The following TENM4 variants were observed in gnomAD, a reference collection of about 807,000 sequenced individuals.
TENM4 encodes the protein teneurin-4.
Under a neutral mutation model 243.3 loss-of-function variants are expected in TENM4, and 82 were observed. The ratio of observed to expected loss-of-function variants is 0.34; its 90% CI spans 0.28 to 0.40. The LOEUF is 0.40. Among genes scored for constraint, TENM4 ranks in the 10% least tolerant of loss-of-function variants. The pLI, the probability that TENM4 is intolerant of heterozygous loss-of-function variation, is 1.00. For synonymous variants in TENM4, 1,412 were observed against 1,456.3 expected (o/e 0.97, Z 0.69); for missense variants, 3,138 against 3,673.3 (o/e 0.85, Z 3.77).
At chr11:79,041,650 C>G (rs186882529) in intron 6 of TENM4, among the ~76,000 whole-genome samples, 21 of 152,242 alleles carry the variant, frequency 1.4e-4, no homozygotes, top group Admixed American at 2.6e-4. Flanking sequence ...GGGAAGCAGG[C>G]TCTTGTTTTG....
At chr11:78,703,916 A>G (rs1859166970) in intron 27 of TENM4, among the ~76,000 whole-genome samples, 1 of 150,826 alleles carries the variant, frequency 6.6e-6, no homozygotes, top group African/African-American at 2.4e-5. Flanking sequence ...AAGTGGTACA[A>G]TCTTGACTCA....
Position 78,903,262 on chromosome 11 carries a change from G to A in TENM4, c.749+6C>T, listed in dbSNP as rs1405076482. On this transcript the variant is annotated splice_donor_region_variant and intron_variant, in intron 7 of 33. Coordinates refer to ENST00000278550, the MANE Select transcript of TENM4 (RefSeq NM_001098816.3). ...CTCAGCCTCACCCTCCCTACCGGCCGCGCACCTGGTCTCCAGGGGGATGTT... is the reference window on the plus strand; with the variant it reads ...CTCAGCCTCACCCTCCCTACCGGCCACGCACCTGGTCTCCAGGGGGATGTT... The A allele has an allele frequency of 1.5e-5, 23 of 1,488,514 alleles. No individual in the cohort carries two copies. The highest frequency in any genetic ancestry group is 1.9e-4 in the Middle Eastern group (1 of 5,366). 92.2% of individuals were successfully genotyped at this position (1,488,514 alleles called of 1,614,324 possible). A position where few individuals can be genotyped will look rare whatever the true frequency, so the allele number is the denominator to read the frequency against.
intron 18 of TENM4, among the ~76,000 whole-genome samples, chr11:78,767,894 ACTGGG>A (rs572389747): frequency 8.4e-4 from 128 of 152,342 alleles, no homozygotes; most frequent in Non-Finnish European, 1.6e-3. Flanking sequence ...AGGGAGAAAG[ACTGGG>A]CCATGTTCAC....
chr11:79,217,747 G>T (rs1864080730), intron 2 of TENM4, among the ~76,000 whole-genome samples: 1 of 151,464 alleles, frequency 6.6e-6, no homozygotes, highest in Non-Finnish European at 1.5e-5. Context: ...TTGAGATGAG[G>T]ATTTTGCTCT....
chr11:79,376,064 C>G (rs538264039), intron 1 of TENM4, among the ~76,000 whole-genome samples: 17 of 152,330 alleles, frequency 1.1e-4, no homozygotes, highest in Admixed American at 4.6e-4. Flanking sequence ...ACCTGACAAG[C>G]CTTTAATTAG....
chr11:78,959,210 T>C (rs1310438653), intron 6 of TENM4, among the ~76,000 whole-genome samples: 1 of 152,198 alleles, frequency 6.6e-6, no homozygotes, highest in Non-Finnish European at 1.5e-5. Flanking sequence ...CTGTTAAACG[T>C]AGTTATATCT....
chr11:78,677,272 C>T (rs1393849256), intron 29 of TENM4, among the ~76,000 whole-genome samples: 7 of 128,560 alleles, frequency 5.4e-5, no homozygotes, highest in Admixed American at 4.2e-4. Flanking sequence ...TTTTTGGAGA[C>T]AGGGTCTTGT....
intron 1 of TENM4, among the ~76,000 whole-genome samples, chr11:79,401,628 A>G (rs1037445562): frequency 3.3e-5 from 5 of 152,246 alleles, no homozygotes; most frequent in African/African-American, 1.2e-4. Flanking sequence ...TTCTCTTTCC[A>G]TCTATGTACT....
intron 25 of TENM4, among the ~76,000 whole-genome samples, chr11:78,718,702 TC>T (rs1859577274): frequency 1.3e-5 from 2 of 152,208 alleles, no homozygotes; most frequent in Admixed American, 1.3e-4. Context: ...ATTACATAGT[TC>T]AGTATCATCC....
Position 78,771,008 on chromosome 11 carries a change from G to T in TENM4, c.2523C>A (p.Ser841Arg), listed in dbSNP as rs879255354. 1.9e-6 allele frequency: 3 copies of T among 1,584,524 alleles called. No homozygotes were observed. The highest frequency in any genetic ancestry group is 2.6e-6 in the Non-Finnish European group (3 of 1,165,508). Residue 841 changes from serine to arginine, a missense_variant, in exon 18 of 34, where the codon AGC becomes AGA. By Grantham distance (110) the Ser-to-Arg change is moderately radical. Coordinates refer to ENST00000278550, the MANE Select transcript of TENM4 (RefSeq NM_001098816.3). Reference sequence around the variant, plus strand: ...GAGCCCTACCTCCATCATTGTCTTTGCTGTCACCGCAGGCAGTCTCCATGG... The same window carrying T: ...GAGCCCTACCTCCATCATTGTCTTTTCTGTCACCGCAGGCAGTCTCCATGG... ...DTSMETACGD[S>R]KDNDGDGLVD...
At chr11:79,292,640 C>T (rs897056397) in intron 2 of TENM4, among the ~76,000 whole-genome samples, 1 of 152,224 alleles carries the variant, frequency 6.6e-6, no homozygotes, top group Non-Finnish European at 1.5e-5. Context: ...GGCTAGGGCA[C>T]ATGCAGGAAC....
intron 12 of TENM4, among the ~76,000 whole-genome samples, chr11:78,845,415 A>G (rs495676): frequency 0.48 from 73,280 of 152,036 alleles, 18,999 homozygotes; most frequent in African/African-American, 0.64. Flanking sequence ...CTCATAACTA[A>G]TACAGCCCGC....
chr11:79,102,470 G>A (rs1047104019), intron 4 of TENM4, among the ~76,000 whole-genome samples: 5 of 152,192 alleles, frequency 3.3e-5, no homozygotes, highest in African/African-American at 7.2e-5. Flanking sequence ...AGAAGCCAGC[G>A]CTGAGCTAGG....
chr11:79,134,442 A>G (rs1862069792), intron 4 of TENM4, among the ~76,000 whole-genome samples: 2 of 152,288 alleles, frequency 1.3e-5, no homozygotes, highest in African/African-American at 4.8e-5. Flanking sequence ...TAAAAATTCA[A>G]CCCAATTCCC....
Position 79,224,116 on chromosome 11 carries a change from T to C in TENM4, c.-264-8207A>G, listed in dbSNP as rs141194255. Among the ~76,000 whole-genome samples the C allele has an allele frequency of 1.2e-3, 178 of 152,302 alleles. 1 individual carries two copies. Among genetic ancestry groups the C allele is most frequent in the African/African-American group, 4.1e-3 (172 of 41,570 alleles). ...CTCCTCTCACCATCTCTATTGCCCA[T>C]AGAAGATGTGGAGTGTAAGACAGGA... On this transcript the variant is annotated intron_variant, in intron 2 of 33. Transcript: ENST00000278550.
chr11:78,930,807 T>G (rs1408522829), intron 6 of TENM4, among the ~76,000 whole-genome samples: 1 of 152,190 alleles, frequency 6.6e-6, no homozygotes, highest in East Asian at 1.9e-4. Flanking sequence ...AGCCCTTTCT[T>G]CTGACTGTGG....
chr11:79,294,776 G>A (rs1042212291), intron 2 of TENM4, among the ~76,000 whole-genome samples: 5 of 152,088 alleles, frequency 3.3e-5, no homozygotes, highest in African/African-American at 9.7e-5. Flanking sequence ...TTGAACCTGG[G>A]AGGTAGAGGT....
chr11:79,162,935 C>T (rs1862783908), intron 3 of TENM4, among the ~76,000 whole-genome samples: 1 of 152,238 alleles, frequency 6.6e-6, no homozygotes, highest in South Asian at 2.1e-4. Flanking sequence ...CTGGCTGACT[C>T]TTCAGCTCTG....
intron 6 of TENM4, among the ~76,000 whole-genome samples, chr11:78,986,096 C>A (rs965317969): frequency 6.6e-6 from 1 of 152,174 alleles, no homozygotes; most frequent in African/African-American, 2.4e-5. Context: ...TACTGGGCTC[C>A]TCTTACTCCT....
Sources: allele counts gnomAD v4.1 joint callset (sites outside exome capture counted in the v4.1 genomes callset), GRCh38; gene constraint gnomAD v4.1.1; transcripts MANE v1.5; gene names NCBI Gene and HGNC (gene_info 2026-07-23, HGNC 2026-07-21).